Variants in STRADA observed in about 807,000 individuals in gnomAD.
STRADA encodes STE20-related kinase adapter protein alpha.
A neutral mutation model predicts 55.0 loss-of-function variants in STRADA; 26 were observed. The observed-to-expected ratio is 0.47, with a 90% CI of 0.35 to 0.66. STRADA has a LOEUF of 0.66. STRADA is among the 30% of genes least tolerant of loss of function. The probability of loss-of-function intolerance (pLI) is 0.01; values close to 1 mark genes in which losing one functional copy is unlikely to be tolerated. For missense variants in STRADA, 443 were observed against 549.7 expected (o/e 0.81, Z 1.94); for synonymous variants, 197 against 210.9 (o/e 0.93, Z 0.57).
In STRADA at chr17:63,704,029, G is replaced by A; in HGVS notation, c.1119C>T (p.Leu373=). Residue 373 remains leucine, a synonymous_variant, in exon 12 of 13, where the codon CTC becomes CTT. Coordinates refer to ENST00000336174, the MANE Select transcript of STRADA (RefSeq NM_001003787.4). ...CCTGCTTGAAGAAAGAGTGGTTCAG[G>A]AGGGTGCTGGCACTGGGCCTGGAGG... is the stretch of plus-strand genomic sequence containing the variant. ...NPDARPSAST[L]LNHSFFKQIK... 1 of 1,614,118 alleles carries A rather than the reference G, an allele frequency of 6.2e-7. No individual in the cohort carries two copies. The highest frequency in any genetic ancestry group is 1.7e-5 in the Admixed American group (1 of 60,010).
At chr17:63,726,353 A>G (rs2037657394) in intron 3 of STRADA, 3 of 325,960 alleles carry the variant, frequency 9.2e-6, no homozygotes, top group African/African-American at 6.4e-5. Flanking sequence ...AGACTTTTAA[A>G]TAGTTTTCTT....
Position 63,713,395 on chromosome 17 carries a change from T to C in STRADA, c.348+11A>G, listed in dbSNP as rs752825028. Reference sequence around the variant, plus strand: ...ACCCTCCCTCCATGTGACACACTCATGGTTTATTACCTGCAAGAATGTTAC... The same window carrying C: ...ACCCTCCCTCCATGTGACACACTCACGGTTTATTACCTGCAAGAATGTTAC... On this transcript the variant is annotated intron_variant, in intron 6 of 12. Coordinates refer to ENST00000336174, the MANE Select transcript of STRADA (RefSeq NM_001003787.4). 6.2e-7 allele frequency: 1 copy of C among 1,612,878 alleles called. No individual in the cohort carries two copies. Among genetic ancestry groups the C allele is most frequent in the African/African-American group, 1.3e-5 (1 of 74,898 alleles).
At chr17:63,703,952 GA>G (rs770193325) in intron 12 of STRADA, 52 bp downstream of exon 12, 22 of 1,607,496 alleles carry the variant, frequency 1.4e-5, no homozygotes, top group Non-Finnish European at 1.6e-5. Context: ...AAGGGATTGT[GA>G]GTTGTTAGAA....
At chr17:63,704,769 G>C (rs1036711852) in intron 10 of STRADA, 187 bp from the exon 11 acceptor site, 11 of 1,532,796 alleles carry the variant, frequency 7.2e-6, no homozygotes, top group Non-Finnish European at 8.7e-6. Context: ...TGGCGTGGCA[G>C]CTCCGCCCTA....
At chr17:63,704,927 C>T in intron 10 of STRADA, 3 of 1,533,936 alleles carry the variant, frequency 2.0e-6, no homozygotes, top group Non-Finnish European at 2.6e-6. Flanking sequence ...AAGGAGCAGT[C>T]AGATGAACCT....
intron 1 of STRADA, among the ~76,000 whole-genome samples, chr17:63,738,209 C>T (rs868042805): frequency 1.3e-5 from 2 of 150,878 alleles, no homozygotes; most frequent in Non-Finnish European, 3.0e-5. Context: ...GGCATGGTGG[C>T]GGGCACCTGT....
chr17:63,712,735 T>C (rs1219306454), intron 6 of STRADA, among the ~76,000 whole-genome samples: 1 of 151,334 alleles, frequency 6.6e-6, no homozygotes, highest in Non-Finnish European at 1.5e-5. Flanking sequence ...ATGCGGTGGC[T>C]CACATTTGTA....
intron 1 of STRADA, among the ~76,000 whole-genome samples, chr17:63,740,444 C>A (rs914702383): frequency 5.9e-5 from 9 of 151,638 alleles, no homozygotes; most frequent in Non-Finnish European, 1.3e-4. Context: ...CCAAGGAGGC[C>A]GAGGTTGCAG....
Position 63,703,196 on chromosome 17 carries a change from C to A in STRADA, c.*403G>T, listed in dbSNP as rs1423690246. 4 of 177,394 alleles carry A rather than the reference C, an allele frequency of 2.3e-5. No individual in the cohort carries two copies. The highest frequency in any genetic ancestry group is 2.2e-4 in the Admixed American group (4 of 18,542). The allele number at this position is 177,394 out of a possible 1,614,324, so 11.0% of individuals were successfully genotyped here. On this transcript the variant is annotated 3_prime_UTR_variant, in exon 13 of 13. Transcript: ENST00000336174. ...CACTGACCTATAGCATCTGAGGCAT[C>A]TGAGAGCAAAGTTAAATAGAATGAG...
Position 63,713,953 on chromosome 17 carries a change from G to A in STRADA, c.226+53C>T. The stretch of plus-strand genomic sequence containing the variant: ...CACATCTGGGGCTGCTGAGAAAGCT[G>A]CAGCAGCCCCTGGAGCAGAAAGCAG... On this transcript the variant is annotated intron_variant, in intron 5 of 12. Coordinates refer to ENST00000336174, the MANE Select transcript of STRADA (RefSeq NM_001003787.4). 4 of 1,449,566 alleles carry A rather than the reference G, an allele frequency of 2.8e-6. 1 individual carries two copies. In the South Asian group the frequency reaches 4.6e-5, roughly 17 times the overall value. 89.8% of individuals were successfully genotyped at this position (1,449,566 alleles called of 1,614,324 possible).
At chr17:63,740,315 C>G (rs577681041) in intron 1 of STRADA, among the ~76,000 whole-genome samples, 11 of 151,076 alleles carry the variant, frequency 7.3e-5, no homozygotes, top group South Asian at 6.3e-4. Context: ...CCTCAGAGAT[C>G]GGCCTGACCA....
rs1277804794 is a variant in STRADA, at chr17:63,704,042, CTG to C, written c.1104_1105del (p.Ser369CysfsTer35). 3.1e-6 allele frequency: 5 copies of C among 1,613,626 alleles called. No homozygotes were observed. Among genetic ancestry groups the C allele is most frequent in the Non-Finnish European group, 4.2e-6 (5 of 1,179,848 alleles). On this transcript the variant is annotated frameshift_variant, in exon 12 of 13. Transcript: ENST00000336174. LOFTEE classifies it high-confidence loss of function. ...AGAGTGGTTCAGGAGGGTGCTGGCA[CTG>C]GGCCTGGAGGGAAAGGGGAGGAGAG...
rs2035963326 is a variant in STRADA at position 63,704,692 on chromosome 17, G to A, written c.859-110C>T. Reference sequence around the variant, plus strand: ...TACACTGTTCCCAATATGCAAATGTGATCATTTGAAGAGTGGAAAAGGTGG... The same window carrying A: ...TACACTGTTCCCAATATGCAAATGTAATCATTTGAAGAGTGGAAAAGGTGG... On this transcript the variant is annotated intron_variant, in intron 10 of 12. Coordinates refer to ENST00000336174, the MANE Select transcript of STRADA (RefSeq NM_001003787.4). 19 of 1,505,558 alleles carry A rather than the reference G, an allele frequency of 1.3e-5. 1 individual carries two copies. The South Asian group carries it at 2.5e-4, about 20-fold the overall frequency. 93.3% of individuals were successfully genotyped at this position (1,505,558 alleles called of 1,614,324 possible).
Position 63,704,221 on chromosome 17 carries a change from T to C in STRADA, c.1100+120A>G, listed in dbSNP as rs1171947934. ...GACACACCCAGGAGCTGATCCCTCC[T>C]GTGTGTAGCTCCAGATTCCCCTGCA... On this transcript the variant is annotated intron_variant, in intron 11 of 12. Coordinates refer to ENST00000336174, the MANE Select transcript of STRADA (RefSeq NM_001003787.4). 3.2e-6 allele frequency: 5 copies of C among 1,539,750 alleles called. No individual in the cohort carries two copies. The African/African-American group carries it at 5.4e-5, about 17-fold the overall frequency.
chr17:63,734,857 T>A (rs1057312626), intron 1 of STRADA, among the ~76,000 whole-genome samples: 1 of 151,512 alleles, frequency 6.6e-6, no homozygotes, highest in African/African-American at 2.4e-5. Flanking sequence ...AAGGTTAACA[T>A]CTAGAAAAGA....
At chr17:63,721,832 C>T (rs1265077651) in intron 4 of STRADA, among the ~76,000 whole-genome samples, 1 of 152,138 alleles carries the variant, frequency 6.6e-6, no homozygotes, top group African/African-American at 2.4e-5. Flanking sequence ...TGCTCTGTCC[C>T]CAGCTTACTA....
At chr17:63,709,885 G>A (rs982796534) in intron 8 of STRADA, among the ~76,000 whole-genome samples, 8 of 152,084 alleles carry the variant, frequency 5.3e-5, no homozygotes, top group Admixed American at 2.0e-4. Context: ...GCAGAGAGTG[G>A]AGTACAAAGG....
chr17:63,703,802 G>C, intron 12 of STRADA, 51 bp from the exon 13 acceptor site: 22 of 1,609,196 alleles, frequency 1.4e-5, no homozygotes, highest in Non-Finnish European at 1.9e-5. Flanking sequence ...CTGGGTCCCA[G>C]GACACCATGG....
intron 1 of STRADA, among the ~76,000 whole-genome samples, chr17:63,734,092 A>T (rs1331901752): frequency 6.6e-6 from 1 of 152,214 alleles, no homozygotes; most frequent in Non-Finnish European, 1.5e-5. Context: ...CAATACAGGG[A>T]TACCTGAAGG....
Sources: gnomAD v4.1 joint callset for allele counts (sites outside exome capture counted in the v4.1 genomes callset) on GRCh38, gnomAD v4.1.1 for gene constraint, MANE v1.5 for transcripts, NCBI Gene and HGNC (gene_info 2026-07-23, HGNC 2026-07-21) for gene names.